EPHA6: variants seen among roughly 807,000 people sequenced by gnomAD.
EPHA6 encodes EPH receptor A6.
Under a neutral mutation model 112.0 loss-of-function variants are expected in EPHA6, and 50 were observed. That is an observed-to-expected ratio of 0.45 (90% confidence interval 0.36 to 0.56). The LOEUF (loss-of-function observed/expected upper bound fraction) is 0.56, where lower values mean the gene tolerates loss of function less well. Ranked by LOEUF, EPHA6 falls within the 20% of genes least tolerant of loss-of-function variation. The probability of loss-of-function intolerance (pLI) is 0.00; values close to 1 mark genes in which losing one functional copy is unlikely to be tolerated. For missense variants in EPHA6, 1,280 were observed against 1,417.4 expected, an observed-to-expected ratio of 0.90 and a Z score of 1.56; for synonymous variants, 529 against 490.7, an observed-to-expected ratio of 1.08 and a Z score of -1.03.
chr3:96,934,110 A>G (rs1353660893), intron 2 of EPHA6, among the ~76,000 whole-genome samples: 1 of 151,976 alleles, frequency 6.6e-6, no homozygotes, highest in East Asian at 1.9e-4. Flanking sequence ...AATATGAAAT[A>G]CCTTTTTCTA....
At chr3:97,386,330 A>C (rs958005442) in intron 5 of EPHA6, among the ~76,000 whole-genome samples, 16 of 152,088 alleles carry the variant, frequency 1.1e-4, no homozygotes, top group African/African-American at 3.6e-4. Flanking sequence ...TAATACAGAA[A>C]ATTTGAATAA....
chr3:97,272,406 CTCA>C (rs1216890528), intron 5 of EPHA6, among the ~76,000 whole-genome samples: 2 of 152,058 alleles, frequency 1.3e-5, no homozygotes, highest in African/African-American at 2.4e-5. Flanking sequence ...ATAAGGCGAT[CTCA>C]TCATTGTGTG....
intron 14 of EPHA6, among the ~76,000 whole-genome samples, chr3:97,706,534 C>A (rs2033686029): frequency 6.6e-6 from 1 of 152,194 alleles, no homozygotes; most frequent in Admixed American, 6.5e-5. Context: ...ACTTCACAAT[C>A]ATCAGTTTTT....
intron 14 of EPHA6, among the ~76,000 whole-genome samples, chr3:97,643,860 T>G (rs2094032574): frequency 6.6e-6 from 1 of 150,434 alleles, no homozygotes; most frequent in Non-Finnish European, 1.5e-5. Context: ...CACCCCACTG[T>G]CAACATTAGA....
chr3:96,954,773 C>CTTT lies in EPHA6; in HGVS notation c.451-32528_451-32526dup, dbSNP rs10612575. On this transcript the variant is annotated intron_variant, in intron 2 of 17. Coordinates refer to ENST00000389672, the MANE Select transcript of EPHA6 (RefSeq NM_001080448.3). Reference sequence around the variant, plus strand: ...TAGTCTTAAATTTTTACTGGTGTGCCTTTTTTTTTTTTTTTTTTTTTTTTT... The same window carrying CTTT: ...TAGTCTTAAATTTTTACTGGTGTGCCTTTTTTTTTTTTTTTTTTTTTTTTTTTT... Among the ~76,000 whole-genome samples the CTTT allele has an allele frequency of 1.7e-3, 122 of 72,712 alleles. 4 individuals carry two copies. The highest frequency in any genetic ancestry group is 0.011 in the Middle Eastern group (1 of 94). The allele number at this position is 72,712 out of a possible 152,430, so 47.7% of individuals were successfully genotyped here. A position where few individuals can be genotyped will look rare whatever the true frequency, so the allele number is the denominator to read the frequency against.
intron 3 of EPHA6, among the ~76,000 whole-genome samples, chr3:97,183,778 T>A (rs2077052449): frequency 6.6e-6 from 1 of 152,092 alleles, no homozygotes; most frequent in African/African-American, 2.4e-5. Flanking sequence ...ATGTCAGCAT[T>A]GTAAATTTAT....
intron 13 of EPHA6, among the ~76,000 whole-genome samples, chr3:97,621,968 A>G (rs2093817378): frequency 6.6e-6 from 1 of 151,910 alleles, no homozygotes; most frequent in Admixed American, 6.6e-5. Context: ...ATGAGATGTC[A>G]AGGCAAGCAA....
At chr3:97,231,106 A>G (rs1173209534) in intron 4 of EPHA6, among the ~76,000 whole-genome samples, 1 of 152,128 alleles carries the variant, frequency 6.6e-6, no homozygotes, top group Non-Finnish European at 1.5e-5. Context: ...GGTCTCCTAT[A>G]GCCATATTTT....
chr3:96,904,141 T>C (rs976614987), intron 2 of EPHA6, among the ~76,000 whole-genome samples: 1 of 152,036 alleles, frequency 6.6e-6, no homozygotes, highest in African/African-American at 2.4e-5. Flanking sequence ...CATGCTGCTA[T>C]GAAGACACAT....
rs752616620 is a variant in EPHA6 at position 97,405,126 on chromosome 3, CTTAG to C, written c.1607-20_1607-17del. 5.1e-6 allele frequency: 8 copies of C among 1,563,320 alleles called. No homozygotes were observed. The highest frequency in any genetic ancestry group is 6.9e-6 in the Non-Finnish European group (8 of 1,153,764). On this transcript the variant is annotated intron_variant, in intron 5 of 17. Coordinates refer to ENST00000389672, the MANE Select transcript of EPHA6 (RefSeq NM_001080448.3). Reference sequence around the variant, plus strand: ...GGAAAATGATTCCTGCCAATTAATTCTTAGTTATTTTCTTTCCTTTCAGCACCTT... The same window carrying C: ...GGAAAATGATTCCTGCCAATTAATTCTTATTTTCTTTCCTTTCAGCACCTT...
At chr3:96,961,247 T>A (rs1280481506) in intron 2 of EPHA6, among the ~76,000 whole-genome samples, 1 of 152,228 alleles carries the variant, frequency 6.6e-6, no homozygotes, top group Non-Finnish European at 1.5e-5. Context: ...TTTAGGGAAA[T>A]CTGGGGCTCA....
intron 5 of EPHA6, among the ~76,000 whole-genome samples, chr3:97,277,751 C>T (rs77683240): frequency 0.013 from 1,956 of 152,126 alleles, 37 homozygotes; most frequent in African/African-American, 0.044. Context: ...ATATATAGAG[C>T]AATTATGATG....
Position 96,814,843 on chromosome 3 carries a change from A to C in EPHA6, c.220A>C (p.Asn74His). 6.4e-7 allele frequency: 1 copy of C among 1,574,698 alleles called. No homozygotes were observed. The highest frequency in any genetic ancestry group is 1.4e-5 in the African/African-American group (1 of 73,868). The change falls in exon 1 of 18, where the codon AAC (asparagine) becomes CAC (histidine). Residue 74 changes from asparagine (N) to histidine (H), a missense_variant. Coordinates refer to ENST00000389672, the MANE Select transcript of EPHA6 (RefSeq NM_001080448.3). ...DVDKDPHPTQ[N>H]TCLRCRHFSL... ...GGACAAGGACCCCCATCCTACCCAG[A>C]ACACCTGCCTGCGCTGCCGCCACTT... is the stretch of plus-strand genomic sequence containing the variant.
At chr3:97,253,680 T>C (rs190737651) in intron 5 of EPHA6, among the ~76,000 whole-genome samples, 250 of 152,236 alleles carry the variant, frequency 1.6e-3, no homozygotes, top group Middle Eastern at 3.4e-3. Context: ...TTTATGTTGT[T>C]TTTCATTTTG....
chr3:97,115,843 TATATG>T (rs1225877910), intron 3 of EPHA6, among the ~76,000 whole-genome samples: 1 of 151,866 alleles, frequency 6.6e-6, no homozygotes, highest in Non-Finnish European at 1.5e-5. Flanking sequence ...CAAAATAACA[TATATG>T]ATACGTTATT....
chr3:96,967,521 A>G (rs2042167905), intron 2 of EPHA6, among the ~76,000 whole-genome samples: 1 of 151,904 alleles, frequency 6.6e-6, no homozygotes, highest in African/African-American at 2.4e-5. Context: ...GAATTACTAG[A>G]TCAGTGTCTT....
chr3:96,915,278 A>G (rs554445910), intron 2 of EPHA6, among the ~76,000 whole-genome samples: 1 of 152,116 alleles, frequency 6.6e-6, no homozygotes, highest in African/African-American at 2.4e-5. Flanking sequence ...TGTATTAACT[A>G]TTTGTATTTT....
chr3:97,634,123 A>C (rs2093926199), intron 13 of EPHA6, among the ~76,000 whole-genome samples: 1 of 152,096 alleles, frequency 6.6e-6, no homozygotes, highest in Admixed American at 6.6e-5. Context: ...CCTGGATTCA[A>C]ATCCGGACTC....
intron 3 of EPHA6, among the ~76,000 whole-genome samples, chr3:97,136,175 G>A (rs72922326): frequency 0.027 from 4,092 of 152,200 alleles, 177 homozygotes; most frequent in African/African-American, 0.09. Flanking sequence ...TGAAAGATGA[G>A]CTCCTAAACT....
Sources: allele counts gnomAD v4.1 joint callset (sites outside exome capture counted in the v4.1 genomes callset), GRCh38; gene constraint gnomAD v4.1.1; transcripts MANE v1.5; gene names NCBI Gene and HGNC (gene_info 2026-07-23, HGNC 2026-07-21).